Variants in NOS1AP observed in about 807,000 individuals in gnomAD.
The protein encoded by NOS1AP is carboxyl-terminal PDZ ligand of neuronal nitric oxide synthase protein.
A neutral mutation model predicts 56.2 loss-of-function variants in NOS1AP; 21 were observed. That is an observed-to-expected ratio of 0.37 (90% CI 0.26 to 0.54). The LOEUF (loss-of-function observed/expected upper bound fraction) is 0.54, where lower values mean the gene tolerates loss of function less well. Ranked by LOEUF, NOS1AP falls within the 20% of genes least tolerant of loss-of-function variation. The probability of loss-of-function intolerance (pLI) is 0.84; values close to 1 mark genes in which losing one functional copy is unlikely to be tolerated. For synonymous variants in NOS1AP, 270 were observed against 274.6 expected, an observed-to-expected ratio of 0.98 and a Z score of 0.17; for missense variants, 522 against 657.8, an observed-to-expected ratio of 0.79 and a Z score of 2.26.
At chr1:162,141,112 A>C (rs7520556) in intron 1 of NOS1AP, among the ~76,000 whole-genome samples, 20,557 of 152,180 alleles carry the variant, frequency 0.14, 1,756 homozygotes, top group African/African-American at 0.24. Flanking sequence ...TTTGGCAAAT[A>C]GAAAGTGTTC....
intron 4 of NOS1AP, among the ~76,000 whole-genome samples, chr1:162,310,085 A>G (rs1655976048): frequency 6.6e-6 from 1 of 151,910 alleles, no homozygotes; most frequent in African/African-American, 2.4e-5. Flanking sequence ...GACAGAGATG[A>G]CTCTATATCT....
intron 2 of NOS1AP, among the ~76,000 whole-genome samples, chr1:162,171,663 C>T (rs1186617824): frequency 6.6e-6 from 1 of 152,184 alleles, no homozygotes; most frequent in East Asian, 1.9e-4. Flanking sequence ...CTTAGGCCCT[C>T]ACCCTTTATT....
At chr1:162,219,221 A>G (rs540431312) in intron 2 of NOS1AP, among the ~76,000 whole-genome samples, 3 of 152,324 alleles carry the variant, frequency 2.0e-5, no homozygotes, top group East Asian at 1.9e-4. Context: ...GTGATCGATG[A>G]CATAAAATAT....
At chr1:162,275,202 C>T (rs748615632) in intron 2 of NOS1AP, among the ~76,000 whole-genome samples, 11 of 151,770 alleles carry the variant, frequency 7.2e-5, no homozygotes, top group Non-Finnish European at 1.0e-4. Context: ...GTTTTTGATA[C>T]GGAGTCTCAC....
At chr1:162,153,094 A>G (rs191513815) in intron 1 of NOS1AP, among the ~76,000 whole-genome samples, 2 of 152,234 alleles carry the variant, frequency 1.3e-5, no homozygotes, top group East Asian at 3.9e-4. Flanking sequence ...TTCTTGTTTC[A>G]TTCTTATAAG....
chr1:162,152,741 G>A (rs562066699), intron 1 of NOS1AP, among the ~76,000 whole-genome samples: 24 of 152,302 alleles, frequency 1.6e-4, no homozygotes, highest in African/African-American at 5.8e-4. Flanking sequence ...TCAATACTAG[G>A]GGAAATCCCT....
chr1:162,070,465 G>A (rs191545400), intron 1 of NOS1AP, among the ~76,000 whole-genome samples, 183 bp downstream of exon 1: 1 of 152,194 alleles, frequency 6.6e-6, no homozygotes, highest in Non-Finnish European at 1.5e-5. Flanking sequence ...GCCCAGAACT[G>A]CTCAAGAGCA....
chr1:162,191,321 G>A (rs548567801), intron 2 of NOS1AP, among the ~76,000 whole-genome samples: 3 of 152,280 alleles, frequency 2.0e-5, no homozygotes, highest in South Asian at 4.1e-4. Context: ...CTTTCCTGGG[G>A]TAGGGTTTCT....
At chr1:162,218,121 G>A (rs895325343) in intron 2 of NOS1AP, among the ~76,000 whole-genome samples, 1 of 152,196 alleles carries the variant, frequency 6.6e-6, no homozygotes, top group Non-Finnish European at 1.5e-5. Flanking sequence ...CCACCTCTGA[G>A]TCCATCAGAT....
chr1:162,182,389 G>A lies in NOS1AP; in HGVS notation c.177+27913G>A, dbSNP rs1195072924. ...TCACACAAATATTTTGGTTCCAAGT[G>A]CATATAAAAACAAGGTACACTTGAT... On this transcript the variant is annotated intron_variant, in intron 2 of 9. Transcript: ENST00000361897. Among the ~76,000 whole-genome samples, 3 of 152,296 alleles carry A rather than the reference G, an allele frequency of 2.0e-5. No individual in the cohort carries two copies. The East Asian group carries it at 5.8e-4, about 29-fold the overall frequency.
intron 2 of NOS1AP, among the ~76,000 whole-genome samples, chr1:162,168,698 T>TCTTCCTCCTTCCCTTCCTCTTTC (rs770465455): frequency 0.034 from 5,159 of 152,210 alleles, 121 homozygotes; most frequent in Non-Finnish European, 0.048. Context: ...TCTCTTTCTT[T>TCTTCCTCCTTCCCTTCCTCTTTC]CTTCCTCCTT....
chr1:162,280,928 A>G (rs1216729044), intron 2 of NOS1AP, among the ~76,000 whole-genome samples: 2 of 152,220 alleles, frequency 1.3e-5, no homozygotes, highest in Admixed American at 6.5e-5. Context: ...ACAATACAAG[A>G]CACATCAGTA....
chr1:162,332,699 G>A (rs552575488), intron 4 of NOS1AP, among the ~76,000 whole-genome samples: 1 of 152,320 alleles, frequency 6.6e-6, no homozygotes, highest in South Asian at 2.1e-4. Context: ...CTCTGATAAG[G>A]ATGGGAATGA....
intron 2 of NOS1AP, among the ~76,000 whole-genome samples, chr1:162,255,915 C>T (rs1398025099): frequency 6.6e-6 from 1 of 152,192 alleles, no homozygotes; most frequent in Non-Finnish European, 1.5e-5. Context: ...GAGGCTGAGG[C>T]AGCAGATCAC....
chr1:162,305,376 C>G (rs948203082), intron 4 of NOS1AP, among the ~76,000 whole-genome samples: 1 of 149,608 alleles, frequency 6.7e-6, no homozygotes, highest in African/African-American at 2.5e-5. Flanking sequence ...ACATCTAAAC[C>G]AATTCCTCCT....
rs957715100 is a variant in NOS1AP at position 162,148,582 on chromosome 1, T to C, written c.106-5823T>C. 3.9e-5 allele frequency among the ~76,000 whole-genome samples: 6 copies of C among 152,284 alleles called. No homozygotes were observed. In the East Asian group the frequency reaches 5.8e-4, roughly 15 times the overall value. ...GAAGATACGGTGTGATTGAGGAACT[T>C]CTGAATAATTGGCAAGGCCACTGGT... On this transcript the variant is annotated intron_variant, in intron 1 of 9. Coordinates refer to ENST00000361897, the MANE Select transcript of NOS1AP (RefSeq NM_014697.3).
intron 2 of NOS1AP, among the ~76,000 whole-genome samples, chr1:162,205,837 G>A (rs780777949): frequency 1.3e-5 from 2 of 152,078 alleles, no homozygotes; most frequent in Middle Eastern, 3.2e-3. Flanking sequence ...GTTTTTAGTG[G>A]CTCTTCGATA....
At chr1:162,164,430 T>G (rs1650381058) in intron 2 of NOS1AP, among the ~76,000 whole-genome samples, 1 of 152,222 alleles carries the variant, frequency 6.6e-6, no homozygotes, top group Admixed American at 6.5e-5. Flanking sequence ...TTAAATACAT[T>G]CACAATACTT....
In NOS1AP at chr1:162,070,291, G is replaced by C; in HGVS notation, c.105+9G>C. On this transcript the variant is annotated intron_variant, in intron 1 of 9. Transcript: ENST00000361897. ...TCTGCTTTGAGGCCAAGGTGAGGGG[G>C]CTCCGGGGAGGGTGCTACCTGTGGT... 6.2e-7 allele frequency: 1 copy of C among 1,604,016 alleles called. No individual in the cohort carries two copies. The highest frequency in any genetic ancestry group is 8.5e-7 in the Non-Finnish European group (1 of 1,171,312).
Sources: allele counts gnomAD v4.1 joint callset (sites outside exome capture counted in the v4.1 genomes callset), GRCh38; gene constraint gnomAD v4.1.1; transcripts MANE v1.5; gene names NCBI Gene and HGNC (gene_info 2026-07-23, HGNC 2026-07-21).